KMT2A: variants seen among roughly 807,000 people sequenced by gnomAD.
KMT2A encodes the protein lysine methyltransferase 2A.
In KMT2A, 16 loss-of-function variants were observed where a neutral mutation model predicts 345.3. The ratio of observed to expected loss-of-function variants is 0.05; its 90% CI spans 0.03 to 0.07. The LOEUF is 0.07. KMT2A is among the 10% of genes least tolerant of loss of function. KMT2A has a pLI of 1.00. For synonymous variants in KMT2A, 1,599 were observed against 1,778.6 expected, an observed-to-expected ratio of 0.90 and a Z score of 2.54; for missense variants, 3,272 against 4,841.6, an observed-to-expected ratio of 0.68 and a Z score of 9.62.
In KMT2A at chr11:118,484,211, A is replaced by G. The variant is rs782646794; in HGVS notation, c.4115A>G (p.Glu1372Gly). The G allele has an allele frequency of 6.2e-7, 1 of 1,614,202 alleles. No individual in the cohort carries two copies. The highest frequency in any genetic ancestry group is 1.1e-5 in the South Asian group (1 of 91,086). The change falls in exon 9 of 36, where the codon GAG becomes GGG. Residue 1372 changes from glutamate to glycine, a missense_variant. Physicochemically the swap from Glu to Gly is moderately conservative, Grantham distance 98. Around this residue, in one of 27 missense-constraint regions of KMT2A, gnomAD observed 168 missense variants for 216.0 expected, o/e 0.78. Transcript: ENST00000534358. The surrounding 1 kb of genome is among the most constrained non-coding windows in gnomAD (Gnocchi z 4.1). ...AAACCACCTCCGGTCAATAAGCAGG[A>G]GAATGCAGGCACTTTGAACATCCTC... ...KEKPPPVNKQ[E>G]NAGTLNILST...
chr11:118,471,437 CA>C (rs1229741212), intron 2 of KMT2A, among the ~76,000 whole-genome samples: 2 of 151,900 alleles, frequency 1.3e-5, no homozygotes, highest in African/African-American at 4.8e-5. Context: ...CTTTTTGTAT[CA>C]AAAAAGTAAT....
Position 118,473,437 on chromosome 11 carries a change from G to A in KMT2A, c.2278G>A (p.Gly760Arg). 6.2e-7 allele frequency: 1 copy of A among 1,614,184 alleles called. No homozygotes were observed. The highest frequency in any genetic ancestry group is 8.5e-7 in the Non-Finnish European group (1 of 1,180,030). Reference sequence around the variant, plus strand: ...TTCTCACTCCATGAGGACAAGAAGTGGAAGGCTTAGTAGTTCTGAGCTCTC... The same window carrying A: ...TTCTCACTCCATGAGGACAAGAAGTAGAAGGCTTAGTAGTTCTGAGCTCTC... Reference protein sequence around the residue: ...SPSHSMRTRSGRLSSSELSPL... With the variant: ...SPSHSMRTRSRRLSSSELSPL... The change falls in exon 3 of 36, where the codon GGA becomes AGA. Residue 760 changes from glycine (G) to arginine (R), a missense_variant. Physicochemically the swap from Gly to Arg is moderately radical, Grantham distance 125. Coordinates refer to ENST00000534358, the MANE Select transcript of KMT2A (RefSeq NM_001197104.2). The surrounding 1 kb of genome is among the most constrained non-coding windows in gnomAD (Gnocchi z 5.2).
chr11:118,469,476 G>A (rs1468593658), intron 2 of KMT2A, among the ~76,000 whole-genome samples: 2 of 152,080 alleles, frequency 1.3e-5, no homozygotes, highest in African/African-American at 4.8e-5. Context: ...TAAAAAAATG[G>A]AAAATTAGCA....
Position 118,510,477 on chromosome 11 carries a change from C to A in KMT2A, c.11071+359C>A, listed in dbSNP as rs1565310499. On this transcript the variant is annotated intron_variant, in intron 30 of 35. Transcript: ENST00000534358. The surrounding 1 kb of genome is among the most constrained non-coding windows in gnomAD (Gnocchi z 4.1). ...CGTGCTTTCTCCTCTGCCTGGAGTT[C>A]TCTCCCTGCCCTCAATCACCTGGTG... 6.6e-6 allele frequency among the ~76,000 whole-genome samples: 1 copy of A among 152,062 alleles called. No homozygotes were observed. Among genetic ancestry groups the A allele is most frequent in the African/African-American group, 2.4e-5 (1 of 41,398 alleles).
rs192922463 is a variant in KMT2A at position 118,474,679 on chromosome 11, G to A, written c.3156+364G>A. On this transcript the variant is annotated intron_variant, in intron 3 of 35. Transcript: ENST00000534358. ...GTTGTTTGTACCTTATAAGTTTGAT[G>A]TAATTAAACCAGGGACTTAATTGTA... Among the ~76,000 whole-genome samples the A allele has an allele frequency of 4.0e-4, 61 of 152,314 alleles. No individual in the cohort carries two copies. The East Asian group carries it at 0.01, about 25-fold the overall frequency.
chr11:118,458,767 A>C (rs1201302929), intron 1 of KMT2A, among the ~76,000 whole-genome samples: 1 of 152,220 alleles, frequency 6.6e-6, no homozygotes, highest in Non-Finnish European at 1.5e-5. Context: ...CTGAAGTGAT[A>C]GCTACCTGGA....
chr11:118,474,394 CA>C, intron 3 of KMT2A, 79 bp downstream of exon 3: 3 of 1,486,888 alleles, frequency 2.0e-6, no homozygotes, highest in Non-Finnish European at 1.8e-6. Flanking sequence ...CTAAGTGGTT[CA>C]ATTACATCCA....
chr11:118,481,584 T>C, intron 6 of KMT2A, 131 bp from the exon 7 acceptor site: 1 of 932,460 alleles, frequency 1.1e-6, no homozygotes, highest in Non-Finnish European at 1.6e-6. Context: ...ATCTCTTTGA[T>C]ATACTGATTT....
intron 1 of KMT2A, among the ~76,000 whole-genome samples, chr11:118,437,935 T>A (rs747876903): frequency 1.8e-4 from 27 of 152,002 alleles, no homozygotes; most frequent in Non-Finnish European, 3.2e-4. Flanking sequence ...TGAGGCAGCA[T>A]CCTCCCAGGG....
At chr11:118,441,732 C>T (rs1949318494) in intron 1 of KMT2A, among the ~76,000 whole-genome samples, 1 of 152,112 alleles carries the variant, frequency 6.6e-6, no homozygotes, top group Non-Finnish European at 1.5e-5. Flanking sequence ...ACTTTTCTTC[C>T]TCTGTGACTG....
At chr11:118,456,506 T>C (rs1410361682) in intron 1 of KMT2A, among the ~76,000 whole-genome samples, 3 of 151,722 alleles carry the variant, frequency 2.0e-5, no homozygotes, top group Non-Finnish European at 4.4e-5. Flanking sequence ...GCCCAGCTAA[T>C]TTTTTGTGTT....
At chr11:118,512,083 C>A (rs1555050293) in intron 31 of KMT2A, 58 bp downstream of exon 31, 1 of 1,488,738 alleles carries the variant, frequency 6.7e-7, no homozygotes, top group Non-Finnish European at 9.3e-7. Flanking sequence ...AAATTGTTCG[C>A]CTAAGGCAGA....
chr11:118,494,704 G>A lies in KMT2A; in HGVS notation c.5300G>A (p.Arg1767His), dbSNP rs1555043444. The A allele has an allele frequency of 7.4e-6, 12 of 1,613,560 alleles. No individual in the cohort carries two copies. In the South Asian group the frequency reaches 9.9e-5, roughly 13 times the overall value. ...TGTGTTTTCTTTTAGCAAATGGAAC[G>A]TGTTTTTCCATGGTTCAGTGTCAAA... is the stretch of plus-strand genomic sequence containing the variant. ...VKSFFIRQMERVFPWFSVKKS... is the reference protein window; with the variant it reads ...VKSFFIRQMEHVFPWFSVKKS... The change falls in exon 18 of 36, where the codon CGT (arginine) becomes CAT (histidine). Residue 1767 changes from arginine (R) to histidine (H), a missense_variant. By Grantham distance (29) the Arg-to-His change is conservative. Transcript: ENST00000534358. This position sits in a 1 kb window ranked among gnomAD's most constrained non-coding sequence, Gnocchi z 5.8.
In KMT2A at chr11:118,520,644, C is replaced by G; in HGVS notation, c.11430-158C>G. ...CCAGCCTGGGCGACAGAGCGAAACT[C>G]CATCTCAAAAAAAAAAGGGGGGCGC... On this transcript the variant is annotated intron_variant, in intron 33 of 35. Transcript: ENST00000534358. This position sits in a 1 kb window ranked among gnomAD's most constrained non-coding sequence, Gnocchi z 4.3. 3.2e-6 allele frequency: 2 copies of G among 615,506 alleles called. No individual in the cohort carries two copies. Among genetic ancestry groups the G allele is most frequent in the East Asian group, 2.8e-5 (1 of 36,096 alleles). The allele number at this position is 615,506 out of a possible 1,614,324, so 38.1% of individuals were successfully genotyped here.
chr11:118,453,818 T>C (rs897076826), intron 1 of KMT2A, among the ~76,000 whole-genome samples: 1 of 152,244 alleles, frequency 6.6e-6, no homozygotes, highest in Non-Finnish European at 1.5e-5. Context: ...CACATATACA[T>C]TGAAGCACTT....
rs1555042058 is a variant in KMT2A, at chr11:118,490,028, G to A, written c.4576-101G>A. 6.9e-7 allele frequency: 1 copy of A among 1,444,004 alleles called. No individual in the cohort carries two copies. Among genetic ancestry groups the A allele is most frequent in the Non-Finnish European group, 9.5e-7 (1 of 1,054,492 alleles). 89.4% of individuals were successfully genotyped at this position (1,444,004 alleles called of 1,614,324 possible). ...TCATTACTAGGAAATCATCTCAGCA[G>A]AGAAATTAAATCTATAAATGGATGC... On this transcript the variant is annotated intron_variant, in intron 12 of 35. Coordinates refer to ENST00000534358, the MANE Select transcript of KMT2A (RefSeq NM_001197104.2). This position sits in a 1 kb window ranked among gnomAD's most constrained non-coding sequence, Gnocchi z 4.2.
intron 1 of KMT2A, among the ~76,000 whole-genome samples, chr11:118,468,144 G>T (rs1949880607): frequency 6.6e-6 from 1 of 152,004 alleles, no homozygotes; most frequent in Non-Finnish European, 1.5e-5. Flanking sequence ...GTCAATTCAT[G>T]ATCCCTTTCA....
At chr11:118,437,099 A>G (rs1300199953) in intron 1 of KMT2A, among the ~76,000 whole-genome samples, 155 bp downstream of exon 1, 9 of 144,928 alleles carry the variant, frequency 6.2e-5, no homozygotes, top group African/African-American at 2.3e-4. Flanking sequence ...ACCCCCATGC[A>G]GGGCTGCAGA....
In KMT2A at chr11:118,482,016, A is replaced by G. The variant is rs782691048; in HGVS notation, c.3936A>G (p.Thr1312=). 1.2e-6 allele frequency: 2 copies of G among 1,614,060 alleles called. No individual in the cohort carries two copies. Among genetic ancestry groups the G allele is most frequent in the Non-Finnish European group, 8.5e-7 (1 of 1,180,006 alleles). The change falls in exon 7 of 36, where the codon ACA becomes ACG. Residue 1312 remains threonine (T), a synonymous_variant. Transcript: ENST00000534358. The stretch of plus-strand genomic sequence containing the variant: ...TCATCCCGCCTCAGCCACCTACTAC[A>G]GGACCGCCAAGAAAAGAAGTTCCCA... The part of the protein sequence containing the change: ...ALVIPPQPPT[T]GPPRKEVPKT...
Sources: gnomAD v4.1 joint callset for allele counts (sites outside exome capture counted in the v4.1 genomes callset) on GRCh38, gnomAD v4.1.1 for gene constraint, gnomAD v4.1.1 regional missense constraint, Gnocchi (gnomAD v3.1) non-coding constraint, MANE v1.5 for transcripts, NCBI Gene and HGNC (gene_info 2026-07-23, HGNC 2026-07-21) for gene names.